The following CES5A variants were observed in gnomAD, a reference collection of about 807,000 sequenced individuals.
CES5A encodes the protein carboxylesterase 5.
Under a neutral mutation model 62.9 loss-of-function variants are expected in CES5A, and 67 were observed. That is an observed-to-expected ratio of 1.07 (90% CI 0.88 to 1.31). CES5A has a LOEUF of 1.31. Among genes scored for constraint, CES5A ranks in the 50% most tolerant of loss-of-function variants. The pLI, the probability that CES5A is intolerant of heterozygous loss-of-function variation, is 0.00. For synonymous variants in CES5A, 296 were observed against 280.8 expected, an observed-to-expected ratio of 1.05 and a Z score of -0.54; for missense variants, 748 against 708.5, an observed-to-expected ratio of 1.06 and a Z score of -0.63.
chr16:55,904,561 C>T (rs2142444602), intron 1 of CES5A, among the ~76,000 whole-genome samples: 1 of 152,308 alleles, frequency 6.6e-6, no homozygotes, highest in African/African-American at 2.4e-5. Flanking sequence ...ACCACCTGAC[C>T]AGTGATTACA....
upstream of CES5A, among the ~76,000 whole-genome samples, chr16:55,928,916 T>C: frequency 6.6e-6 from 1 of 152,154 alleles, no homozygotes. Context: ...GACTCTGACC[T>C]CACATCATGG....
At chr16:55,911,339 T>C (rs1486824530) in intron 1 of CES5A, among the ~76,000 whole-genome samples, 2 of 152,156 alleles carry the variant, frequency 1.3e-5, no homozygotes, top group Non-Finnish European at 2.9e-5. Flanking sequence ...TTGGTGAGAA[T>C]TTAGCTACAA....
At chr16:55,953,940 G>A (rs2034582900) in intron 1 of CES5A, among the ~76,000 whole-genome samples, 2 of 152,088 alleles carry the variant, frequency 1.3e-5, no homozygotes, top group African/African-American at 4.8e-5. Flanking sequence ...ATAAATTACT[G>A]TTGACTATAG....
Position 55,846,603 on chromosome 16 carries a change from T to G in CES5A, c.1576A>C (p.Ser526Arg), listed in dbSNP as rs747496710. ...EQYLQLDLNM[S>R]LGQRLKEPRV... ...GGTTCTTTGAGTCTCTGTCCGAGGC[T>G]CATGTTCAAGTCCAGCTGGAGGTAC... is the stretch of plus-strand genomic sequence containing the variant. The change falls in exon 13 of 13, where the codon AGC (serine) becomes CGC (arginine). Residue 526 changes from serine to arginine, a missense_variant. By Grantham distance (110) the Ser-to-Arg change is moderately radical (BLOSUM62 -1). Transcript: ENST00000290567. 2.0e-5 allele frequency: 32 copies of G among 1,614,014 alleles called. No individual in the cohort carries two copies. In the East Asian group the frequency reaches 6.9e-4, roughly 35 times the overall value.
chr16:55,895,562 A>G (rs1190802794), intron 1 of CES5A, among the ~76,000 whole-genome samples: 2 of 152,230 alleles, frequency 1.3e-5, no homozygotes, highest in Non-Finnish European at 2.9e-5. Flanking sequence ...GTCTACCATT[A>G]TATCTTGGAA....
chr16:55,949,993 G>A, intron 1 of CES5A: 1 of 465,680 alleles, frequency 2.1e-6, no homozygotes, highest in Non-Finnish European at 3.4e-6. Context: ...ATATAAGTAA[G>A]AATATAACAA....
Position 55,846,856 on chromosome 16 carries a change from A to C in CES5A, c.1424-16T>G. On this transcript the variant is annotated splice_polypyrimidine_tract_variant and intron_variant, in intron 11 of 12. Coordinates refer to ENST00000290567, the MANE Select transcript of CES5A (RefSeq NM_001143685.2). The stretch of plus-strand genomic sequence containing the variant: ...GTGGCTCCTTCTGAAGGAGATAATC[A>C]CAAAATGCTGCTGCTCTGGGTGAGG... The C allele has an allele frequency of 1.9e-6, 3 of 1,612,260 alleles. No individual in the cohort carries two copies. The highest frequency in any genetic ancestry group is 2.2e-5 in the East Asian group (1 of 44,860).
At chr16:55,864,200 GT>G (rs1451723582) in intron 5 of CES5A, among the ~76,000 whole-genome samples, 1 of 152,160 alleles carries the variant, frequency 6.6e-6, no homozygotes. Flanking sequence ...TGAAATAATG[GT>G]TGTTATAATA....
intron 2 of CES5A, among the ~76,000 whole-genome samples, chr16:55,948,553 TG>T (rs1390255986): frequency 1.3e-5 from 2 of 152,142 alleles, no homozygotes; most frequent in African/African-American, 4.8e-5. Context: ...GGAGGCCCCC[TG>T]GGGAAATTTG....
chr16:55,850,980 G>C (rs147591362), intron 10 of CES5A, among the ~76,000 whole-genome samples: 1 of 152,032 alleles, frequency 6.6e-6, no homozygotes, highest in African/African-American at 2.4e-5. Context: ...ATAGTATATA[G>C]AAAAACTAAC....
At chr16:55,865,634 T>G (rs1402665125) in intron 5 of CES5A, among the ~76,000 whole-genome samples, 1 of 152,244 alleles carries the variant, frequency 6.6e-6, no homozygotes, top group Non-Finnish European at 1.5e-5. Flanking sequence ...GCATTTCATG[T>G]CTTAGCTGAG....
chr16:55,912,735 G>GT (rs751708337), intron 1 of CES5A, among the ~76,000 whole-genome samples: 13 of 152,196 alleles, frequency 8.5e-5, no homozygotes, highest in Non-Finnish European at 1.8e-4. Flanking sequence ...ACCTGCTGGA[G>GT]TGTGGGGTTA....
chr16:55,954,404 C>T (rs1306919262), intron 1 of CES5A, among the ~76,000 whole-genome samples: 2 of 152,206 alleles, frequency 1.3e-5, no homozygotes, highest in Non-Finnish European at 2.9e-5. Context: ...TAAAGCTTCT[C>T]ATAGTCGGTC....
At chr16:55,873,401 A>G (rs1248365022) in intron 2 of CES5A, among the ~76,000 whole-genome samples, 5 of 152,138 alleles carry the variant, frequency 3.3e-5, no homozygotes, top group African/African-American at 9.7e-5. Context: ...TCTTCTCAAT[A>G]AAACCCTCAC....
chr16:55,904,833 A>G (rs556576510), intron 1 of CES5A, among the ~76,000 whole-genome samples: 18 of 152,130 alleles, frequency 1.2e-4, no homozygotes, highest in Non-Finnish European at 2.5e-4. Context: ...ACCACAAGCC[A>G]GGGGTCAGCA....
chr16:55,881,224 T>A (rs2033758211), intron 1 of CES5A, among the ~76,000 whole-genome samples: 1 of 152,130 alleles, frequency 6.6e-6, no homozygotes, highest in South Asian at 2.1e-4. Flanking sequence ...CTCATCAAGA[T>A]CACCCAATCC....
chr16:55,849,801 A>T (rs1404463624), intron 10 of CES5A, 28 bp from the exon 11 acceptor site: 10 of 1,611,076 alleles, frequency 6.2e-6, no homozygotes, highest in Non-Finnish European at 7.6e-6. Context: ...AAGGTCAGGC[A>T]TGCATGCAGC....
intron 2 of CES5A, chr16:55,944,011 G>A: frequency 1.4e-6 from 1 of 701,922 alleles, no homozygotes; most frequent in Non-Finnish European, 2.6e-6. Flanking sequence ...CTCTTTCCAG[G>A]GAAAAATCGC....
intron 2 of CES5A, among the ~76,000 whole-genome samples, chr16:55,936,121 C>T (rs148561411): frequency 6.6e-6 from 1 of 152,268 alleles, no homozygotes; most frequent in South Asian, 2.1e-4. Flanking sequence ...CTCACTCCTC[C>T]TTGGATCCTC....
Sources: allele counts gnomAD v4.1 joint callset (sites outside exome capture counted in the v4.1 genomes callset), GRCh38; gene constraint gnomAD v4.1.1; transcripts MANE v1.5; gene names NCBI Gene and HGNC (gene_info 2026-07-23, HGNC 2026-07-21).